The following LHX6 variants were observed in gnomAD, a reference collection of about 807,000 sequenced individuals.
LHX6 encodes LIM/homeobox protein Lhx6.
Under a neutral mutation model 47.1 loss-of-function variants are expected in LHX6, and 15 were observed. The observed-to-expected ratio is 0.32, with a 90% CI of 0.21 to 0.49. LHX6 has a LOEUF of 0.49. Ranked by LOEUF, LHX6 falls within the 20% of genes least tolerant of loss-of-function variation. The probability of loss-of-function intolerance (pLI) is 0.99; values close to 1 mark genes in which losing one functional copy is unlikely to be tolerated. For missense variants in LHX6, 404 were observed against 539.6 expected (o/e 0.75, Z 2.49); for synonymous variants, 242 against 233.5 (o/e 1.04, Z -0.33).
At chr9:122,212,950 C>G (rs570867207) in intron 8 of LHX6, among the ~76,000 whole-genome samples, 7 of 152,272 alleles carry the variant, frequency 4.6e-5, no homozygotes, top group African/African-American at 7.2e-5. Context: ...TCCCAGGTTA[C>G]AGATGAGGAA....
At chr9:122,221,008 A>G (rs1760540598) in intron 4 of LHX6, 5 of 860,580 alleles carry the variant, frequency 5.8e-6, no homozygotes, top group African/African-American at 1.8e-5. Flanking sequence ...TTTCTGTACA[A>G]GGAAACCAAA....
At chr9:122,209,007 A>G (rs894535784) in intron 9 of LHX6, among the ~76,000 whole-genome samples, 1 of 152,186 alleles carries the variant, frequency 6.6e-6, no homozygotes, top group Admixed American at 6.5e-5. Flanking sequence ...TCCTCTCTCC[A>G]TGGTTTCAGA....
intron 9 of LHX6, among the ~76,000 whole-genome samples, chr9:122,206,048 C>A (rs536049708): frequency 9.9e-5 from 15 of 152,284 alleles, no homozygotes; most frequent in Middle Eastern, 3.4e-3. Context: ...GGACCCTTCC[C>A]CTCCATGGGT....
In LHX6 at chr9:122,226,961, G is replaced by T. The variant is rs781554821; in HGVS notation, c.226C>A (p.Pro76Thr). 4 of 1,553,384 alleles carry T rather than the reference G, an allele frequency of 2.6e-6. No homozygotes were observed. Among genetic ancestry groups the T allele is most frequent in the Non-Finnish European group, 3.5e-6 (4 of 1,148,636 alleles). Residue 76 changes from proline (P) to threonine (T), a missense_variant, in exon 3 of 10, where the codon CCC (proline) becomes ACC (threonine). This residue lies in a region of LHX6 where 144 missense variants were observed against 128.7 expected (regional missense o/e 1.12). Transcript: ENST00000394319. This position sits in a 1 kb window ranked among gnomAD's most constrained non-coding sequence, Gnocchi z 6.5. Reference protein sequence around the residue: ...KDEGQASPCTPSTPSVCSPPS... With the variant: ...KDEGQASPCTTSTPSVCSPPS... ...GGTGAGCAGACAGATGGCGTGCTGG[G>T]CGTACATGGGGAGGCCTGACCCTCG...
intron 9 of LHX6, among the ~76,000 whole-genome samples, chr9:122,205,180 C>G (rs1473615065): frequency 6.6e-6 from 1 of 152,202 alleles, no homozygotes; most frequent in Non-Finnish European, 1.5e-5. Context: ...AGCGAGTGAG[C>G]TCGTGGGCAC....
chr9:122,228,578 CA>C (rs1831209628), intron 1 of LHX6, 78 bp downstream of exon 1: 2 of 1,356,910 alleles, frequency 1.5e-6, no homozygotes, highest in African/African-American at 3.1e-5. Context: ...AACCGCCCGC[CA>C]CCCTGCTCGG....
rs1162862498 is a variant in LHX6, at chr9:122,226,618, C to T, written c.340-121G>A. ...AGCTCAGAAGGTGCATGCGATTCCC[C>T]TATTTTTCTCCCGTAATACTGAGAC... On this transcript the variant is annotated intron_variant, in intron 3 of 9. Transcript: ENST00000394319. This position sits in a 1 kb window ranked among gnomAD's most constrained non-coding sequence, Gnocchi z 6.5. The T allele has an allele frequency of 4.9e-6, 7 of 1,415,598 alleles. No individual in the cohort carries two copies. Among genetic ancestry groups the T allele is most frequent in the Non-Finnish European group, 6.7e-6 (7 of 1,051,062 alleles). 87.7% of individuals were successfully genotyped at this position (1,415,598 alleles called of 1,614,324 possible).
intron 8 of LHX6, among the ~76,000 whole-genome samples, chr9:122,211,769 C>G (rs1830406157): frequency 6.6e-6 from 1 of 152,186 alleles, no homozygotes; most frequent in East Asian, 1.9e-4. Context: ...AGAGTCCTGG[C>G]AGGGACTCTG....
intron 1 of LHX6, 170 bp downstream of exon 1, chr9:122,228,487 C>CA (rs1491163806): frequency 2.9e-6 from 3 of 1,044,244 alleles, no homozygotes; most frequent in Non-Finnish European, 2.4e-6. Context: ...CTTTCCGCGA[C>CA]CCCCCCCCCC....
In LHX6 at chr9:122,217,198, G is replaced by C. The variant is rs369599249; in HGVS notation, c.552C>G (p.Ala184=). ...RRARGNAYHL[A]CFACFSCKRQ... ...GCTTGCACGAGAAGCAGGCGAAGCAGGCCAGGTGGTAGGCGTTGCCGCGAG... is the reference window on the plus strand; with the variant it reads ...GCTTGCACGAGAAGCAGGCGAAGCACGCCAGGTGGTAGGCGTTGCCGCGAG... The change falls in exon 5 of 10, where the codon GCC becomes GCG. Residue 184 remains alanine (A), a synonymous_variant. Coordinates refer to ENST00000394319, the MANE Select transcript of LHX6 (RefSeq NM_014368.5). The surrounding 1 kb of genome is among the most constrained non-coding windows in gnomAD (Gnocchi z 4.9). 2 of 1,614,260 alleles carry C rather than the reference G, an allele frequency of 1.2e-6. No individual in the cohort carries two copies. Among genetic ancestry groups the C allele is most frequent in the Non-Finnish European group, 8.5e-7 (1 of 1,180,044 alleles).
In LHX6 at chr9:122,226,947, A is replaced by C. The variant is rs1389465938; in HGVS notation, c.240T>G (p.Ser80=). ...QASPCTPSTP[S]VCSPPSAASS... is the part of the protein sequence containing the mutation. ...AGGCGGCAGAGGGCGGTGAGCAGAC[A>C]GATGGCGTGCTGGGCGTACATGGGG... Residue 80 remains serine (S), a synonymous_variant, in exon 3 of 10, where the codon TCT becomes TCG. Transcript: ENST00000394319. The surrounding 1 kb of genome is among the most constrained non-coding windows in gnomAD (Gnocchi z 6.5). 6.4e-7 allele frequency: 1 copy of C among 1,556,846 alleles called. No individual in the cohort carries two copies. The highest frequency in any genetic ancestry group is 2.4e-5 in the East Asian group (1 of 42,176).
At position 122,228,752 on chromosome 9, in the gene LHX6, C is replaced by A; in HGVS notation, c.-12G>T. 1 of 1,253,044 alleles carries A rather than the reference C, an allele frequency of 8.0e-7. No homozygotes were observed. The highest frequency in any genetic ancestry group is 1.0e-6 in the Non-Finnish European group (1 of 995,170). 77.6% of individuals were successfully genotyped at this position (1,253,044 alleles called of 1,614,324 possible). ...TGCTTCCAGTACATGGGCCGGGGAACCTCGGGCTCAGCGGGCGCGCAGCGC... is the reference window on the plus strand; with the variant it reads ...TGCTTCCAGTACATGGGCCGGGGAAACTCGGGCTCAGCGGGCGCGCAGCGC... On this transcript the variant is annotated 5_prime_UTR_variant, in exon 1 of 10. Coordinates refer to ENST00000394319, the MANE Select transcript of LHX6 (RefSeq NM_014368.5).
chr9:122,226,401 T>G lies in LHX6; in HGVS notation c.436A>C (p.Ile146Leu). The change falls in exon 4 of 10, where the codon ATC becomes CTC. Residue 146 changes from isoleucine to leucine, a missense_variant. By Grantham distance (5) the Ile-to-Leu change is conservative. This residue lies in a region of LHX6 where 53 missense variants were observed against 97.4 expected (regional missense o/e 0.54). Coordinates refer to ENST00000394319, the MANE Select transcript of LHX6 (RefSeq NM_014368.5). The surrounding 1 kb of genome is among the most constrained non-coding windows in gnomAD (Gnocchi z 6.5). ...QNSCYIKNKEIFCKMDYFSRF... is the reference protein window; with the variant it reads ...QNSCYIKNKELFCKMDYFSRF... ...CTGAAGTAGTCCATCTTGCAGAAGA[T>G]CTCCTTGTTCTTGATGTAGCAGCTG... 1 of 1,613,518 alleles carries G rather than the reference T, an allele frequency of 6.2e-7. No individual in the cohort carries two copies. Among genetic ancestry groups the G allele is most frequent in the Non-Finnish European group, 8.5e-7 (1 of 1,179,800 alleles).
At chr9:122,205,367 A>G (rs1342757631) in intron 9 of LHX6, among the ~76,000 whole-genome samples, 1 of 152,220 alleles carries the variant, frequency 6.6e-6, no homozygotes, top group Non-Finnish European at 1.5e-5. Flanking sequence ...ACATGCACGA[A>G]GCCTAGAAGT....
chr9:122,205,103 C>T (rs531818078), intron 9 of LHX6, among the ~76,000 whole-genome samples: 1 of 152,222 alleles, frequency 6.6e-6, no homozygotes, highest in Non-Finnish European at 1.5e-5. Flanking sequence ...GAAGCCGCAC[C>T]ATAGCCCCGT....
Position 122,214,187 on chromosome 9 carries a change from C to T in LHX6, c.783+96G>A. 7.4e-7 allele frequency: 1 copy of T among 1,353,538 alleles called. No individual in the cohort carries two copies. Among genetic ancestry groups the T allele is most frequent in the South Asian group, 1.4e-5 (1 of 69,760 alleles). The allele number at this position is 1,353,538 out of a possible 1,614,324, so 83.8% of individuals were successfully genotyped here. The stretch of plus-strand genomic sequence containing the variant: ...GCAGCTGCGGCCCCGCCCCGCCACC[C>T]GGGTCCGGCCCGAGGGGCGGAGCCA... On this transcript the variant is annotated intron_variant, in intron 6 of 9. Transcript: ENST00000394319. This position sits in a 1 kb window ranked among gnomAD's most constrained non-coding sequence, Gnocchi z 4.6.
chr9:122,208,802 TC>T (rs1830286313), intron 9 of LHX6, among the ~76,000 whole-genome samples: 1 of 137,314 alleles, frequency 7.3e-6, no homozygotes. Flanking sequence ...GCCATTGCAC[TC>T]CAGCCTGGGC....
At chr9:122,209,394 G>A (rs1398227232) in intron 9 of LHX6, among the ~76,000 whole-genome samples, 2 of 152,228 alleles carry the variant, frequency 1.3e-5, no homozygotes, top group East Asian at 1.9e-4. Context: ...TGCCAGTGGG[G>A]AGCTGCAAGG....
intron 4 of LHX6, chr9:122,220,935 C>G (rs1830827226): frequency 9.3e-6 from 2 of 215,928 alleles, no homozygotes; most frequent in South Asian, 3.3e-4. Flanking sequence ...GATGAATGAG[C>G]CTCAACGAAA....
Sources: gnomAD v4.1 joint callset for allele counts (sites outside exome capture counted in the v4.1 genomes callset) on GRCh38, gnomAD v4.1.1 for gene constraint, gnomAD v4.1.1 regional missense constraint, Gnocchi (gnomAD v3.1) non-coding constraint, MANE v1.5 for transcripts, NCBI Gene and HGNC (gene_info 2026-07-23, HGNC 2026-07-21) for gene names.